SLC6A6: variants seen among roughly 807,000 people sequenced by gnomAD.
SLC6A6 encodes solute carrier family 6 member 6.
Under a neutral mutation model 68.8 loss-of-function variants are expected in SLC6A6, and 16 were observed. The observed-to-expected ratio is 0.23, with a 90% CI of 0.16 to 0.35. The LOEUF (loss-of-function observed/expected upper bound fraction) is 0.35, where lower values mean the gene tolerates loss of function less well. Ranked by LOEUF, SLC6A6 falls within the 10% of genes least tolerant of loss-of-function variation. SLC6A6 has a pLI of 1.00. For synonymous variants in SLC6A6, 312 were observed against 315.4 expected (o/e 0.99, Z 0.12); for missense variants, 474 against 802.8 (o/e 0.59, Z 4.95).
chr3:14,476,214 T>C (rs577460306), intron 10 of SLC6A6, among the ~76,000 whole-genome samples: 1 of 152,334 alleles, frequency 6.6e-6, no homozygotes, highest in South Asian at 2.1e-4. Flanking sequence ...CTTTTAAGAC[T>C]GTGCTACATG....
At chr3:14,428,665 G>A (rs957674512) in intron 2 of SLC6A6, among the ~76,000 whole-genome samples, 8 of 152,152 alleles carry the variant, frequency 5.3e-5, no homozygotes, top group Admixed American at 2.6e-4. Flanking sequence ...AGGGACATTT[G>A]GGACCCTGCA....
chr3:14,453,924 A>G (rs1369262288), intron 5 of SLC6A6, among the ~76,000 whole-genome samples: 1 of 152,214 alleles, frequency 6.6e-6, no homozygotes. Context: ...CCCAGATAGC[A>G]GCTAGGGTGG....
chr3:14,456,747 A>G (rs1269951662), intron 5 of SLC6A6, among the ~76,000 whole-genome samples: 1 of 152,106 alleles, frequency 6.6e-6, no homozygotes, highest in African/African-American at 2.4e-5. Context: ...TGAGGCACAG[A>G]GTCACACTTC....
At chr3:14,456,496 C>A (rs928990730) in intron 5 of SLC6A6, among the ~76,000 whole-genome samples, 7 of 152,212 alleles carry the variant, frequency 4.6e-5, no homozygotes, top group African/African-American at 1.7e-4. Context: ...AAAGAAAGGC[C>A]TTGCTTGAAT....
intron 14 of SLC6A6, among the ~76,000 whole-genome samples, chr3:14,483,759 A>C (rs1701068304): frequency 6.6e-6 from 1 of 152,160 alleles, no homozygotes; most frequent in African/African-American, 2.4e-5. Context: ...TGGCTCAATC[A>C]CAGCCTCAAA....
chr3:14,464,534 C>A (rs948363700), intron 6 of SLC6A6, among the ~76,000 whole-genome samples: 2 of 152,212 alleles, frequency 1.3e-5, no homozygotes, highest in East Asian at 1.9e-4. Flanking sequence ...GGCAGCTGAG[C>A]TAAGCAGGCC....
At chr3:14,459,584 C>T (rs534958857) in intron 6 of SLC6A6, among the ~76,000 whole-genome samples, 6 of 152,248 alleles carry the variant, frequency 3.9e-5, no homozygotes, top group East Asian at 1.9e-4. Context: ...CCAGTGAGCA[C>T]GGTCCTGCCC....
chr3:14,478,647 T>G, intron 12 of SLC6A6, 79 bp downstream of exon 12: 4 of 895,482 alleles, frequency 4.5e-6, no homozygotes, highest in Non-Finnish European at 7.5e-6. Flanking sequence ...AAGCAGAGAA[T>G]ACTAACAGAA....
chr3:14,477,994 GCC>G lies in SLC6A6; in HGVS notation c.1348-464_1348-463del, dbSNP rs3214656. Among the ~76,000 whole-genome samples, 4 of 150,898 alleles carry G rather than the reference GCC, an allele frequency of 2.7e-5. No homozygotes were observed. Among genetic ancestry groups the G allele is most frequent in the African/African-American group, 4.9e-5 (2 of 40,950 alleles). ...AGCCAGGGCACGCTCTCTCCTGCAT[GCC>G]CCCCCCCACCACCTCCCCTGTTCCC... On this transcript the variant is annotated intron_variant, in intron 11 of 14. Coordinates refer to ENST00000622186, the MANE Select transcript of SLC6A6 (RefSeq NM_003043.6). The surrounding 1 kb of genome is among the most constrained non-coding windows in gnomAD (Gnocchi z 4.2).
intron 6 of SLC6A6, among the ~76,000 whole-genome samples, chr3:14,460,927 G>T (rs975994967): frequency 2.0e-5 from 3 of 152,212 alleles, no homozygotes; most frequent in African/African-American, 7.2e-5. Context: ...TGTGGCTGAC[G>T]TGGGGGCTGG....
At chr3:14,467,633 T>C (rs907894824) in intron 7 of SLC6A6, among the ~76,000 whole-genome samples, 36 of 152,322 alleles carry the variant, frequency 2.4e-4, no homozygotes, top group African/African-American at 7.7e-4. Context: ...TTAACCCTGA[T>C]GCTAGGTCGC....
At chr3:14,425,904 G>T (rs939462429) in intron 2 of SLC6A6, among the ~76,000 whole-genome samples, 2 of 152,136 alleles carry the variant, frequency 1.3e-5, no homozygotes, top group Non-Finnish European at 2.9e-5. Flanking sequence ...TCAGTAGTTA[G>T]TAATCACGGC....
chr3:14,452,593 C>T (rs796812834), intron 5 of SLC6A6, among the ~76,000 whole-genome samples: 143 of 152,312 alleles, frequency 9.4e-4, no homozygotes, highest in African/African-American at 3.3e-3. Context: ...ACATGTGTGT[C>T]TCCCCGCTCC....
chr3:14,464,608 A>G (rs569174246), intron 6 of SLC6A6, among the ~76,000 whole-genome samples: 38 of 152,326 alleles, frequency 2.5e-4, no homozygotes, highest in African/African-American at 8.9e-4. Context: ...CAAAGGGATC[A>G]TGGCCACAAG....
intron 1 of SLC6A6, among the ~76,000 whole-genome samples, chr3:14,412,375 T>A (rs972116741): frequency 2.0e-5 from 3 of 151,978 alleles, no homozygotes; most frequent in Non-Finnish European, 2.9e-5. Flanking sequence ...AACAGACTTT[T>A]AAAAAAAGAA....
At chr3:14,432,087 C>T (rs1699737663) in intron 2 of SLC6A6, among the ~76,000 whole-genome samples, 1 of 152,200 alleles carries the variant, frequency 6.6e-6, no homozygotes, top group South Asian at 2.1e-4. Flanking sequence ...CCTGCACGTG[C>T]ACCCTTAGCT....
At position 14,481,914 on chromosome 3, in the gene SLC6A6, G is replaced by A. The variant is rs529992615; in HGVS notation, c.1722+73G>A. ...AAGGTGATTGTTGTCAGTTTGCTGCGTGATCTCAGGCAAGTCACCTGCCCT... is the reference window on the plus strand; with the variant it reads ...AAGGTGATTGTTGTCAGTTTGCTGCATGATCTCAGGCAAGTCACCTGCCCT... On this transcript the variant is annotated intron_variant, in intron 14 of 14. Coordinates refer to ENST00000622186, the MANE Select transcript of SLC6A6 (RefSeq NM_003043.6). This position sits in a 1 kb window ranked among gnomAD's most constrained non-coding sequence, Gnocchi z 4.7. 2.5e-5 allele frequency: 33 copies of A among 1,323,216 alleles called. No homozygotes were observed. Among genetic ancestry groups the A allele is most frequent in the Middle Eastern group, 1.9e-4 (1 of 5,326 alleles). 82.0% of individuals were successfully genotyped at this position (1,323,216 alleles called of 1,614,324 possible).
rs577175713 is a variant in SLC6A6, at chr3:14,446,681, G to A, written c.364+830G>A. Among the ~76,000 whole-genome samples, 32 of 152,218 alleles carry A rather than the reference G, an allele frequency of 2.1e-4. No homozygotes were observed. The South Asian group carries it at 6.4e-3, about 31-fold the overall frequency. On this transcript the variant is annotated intron_variant, in intron 4 of 14. Transcript: ENST00000622186. ...CTTGATAGTTTTGTGACTTTGAGAA[G>A]GTCACTTTATACTTCAATTTTCTCA... is the stretch of plus-strand genomic sequence containing the variant.
In SLC6A6 at chr3:14,448,271, C is replaced by CA. The variant is rs576287118; in HGVS notation, c.599+457dup. 20 of 198,656 alleles carry CA rather than the reference C, an allele frequency of 1.0e-4. 1 individual carries two copies. In the South Asian group the frequency reaches 1.9e-3, roughly 19 times the overall value. 12.3% of individuals were successfully genotyped at this position (198,656 alleles called of 1,614,324 possible). On this transcript the variant is annotated intron_variant, in intron 5 of 14. Transcript: ENST00000622186. ...GCATCAGTTAGCTTTTGCTATGTAACAACCATCCCCAGACTTGGCGGCCTT... is the reference window on the plus strand; with the variant it reads ...GCATCAGTTAGCTTTTGCTATGTAACAAACCATCCCCAGACTTGGCGGCCTT...
Sources: allele counts gnomAD v4.1 joint callset (sites outside exome capture counted in the v4.1 genomes callset), GRCh38; gene constraint gnomAD v4.1.1; non-coding constraint Gnocchi (gnomAD v3.1); transcripts MANE v1.5; gene names NCBI Gene and HGNC (gene_info 2026-07-23, HGNC 2026-07-21).